ZMAT4: variants seen among roughly 807,000 people sequenced by gnomAD.
The protein encoded by ZMAT4 is zinc finger matrin-type protein 4.
A neutral mutation model predicts 28.7 loss-of-function variants in ZMAT4; 17 were observed. The ratio of observed to expected loss-of-function variants is 0.59; its 90% confidence interval spans 0.41 to 0.89. The LOEUF (loss-of-function observed/expected upper bound fraction) is 0.89. Among genes scored for constraint, ZMAT4 ranks in the 40% least tolerant of loss-of-function variants. The probability of loss-of-function intolerance (pLI) is 0.00; values close to 1 mark genes in which losing one functional copy is unlikely to be tolerated. For synonymous variants in ZMAT4, 117 were observed against 109.2 expected, an observed-to-expected ratio of 1.07 and a Z score of -0.44; for missense variants, 240 against 283.8, an observed-to-expected ratio of 0.85 and a Z score of 1.11.
At chr8:40,639,494 C>A (rs76605631) in intron 5 of ZMAT4, among the ~76,000 whole-genome samples, 1 of 152,092 alleles carries the variant, frequency 6.6e-6, no homozygotes, top group South Asian at 2.1e-4. Context: ...CCTAACAATT[C>A]TTCATAAAGT....
chr8:40,834,746 T>A (rs564157241), intron 1 of ZMAT4, among the ~76,000 whole-genome samples: 5 of 152,194 alleles, frequency 3.3e-5, no homozygotes, highest in Non-Finnish European at 7.3e-5. Flanking sequence ...CCACGTGTCA[T>A]CCTTCTGGAA....
chr8:40,677,667 T>C (rs1383246679), intron 4 of ZMAT4, among the ~76,000 whole-genome samples: 1 of 152,158 alleles, frequency 6.6e-6, no homozygotes, highest in Admixed American at 6.6e-5. Flanking sequence ...TAATGATAAA[T>C]CTGTGTGTGT....
chr8:40,789,955 C>T (rs1404453623), intron 2 of ZMAT4, among the ~76,000 whole-genome samples: 1 of 152,174 alleles, frequency 6.6e-6, no homozygotes, highest in Non-Finnish European at 1.5e-5. Context: ...AGCCAAATAT[C>T]CACCCCAAAC....
At chr8:40,586,098 C>T (rs1804664123) in intron 5 of ZMAT4, among the ~76,000 whole-genome samples, 1 of 152,138 alleles carries the variant, frequency 6.6e-6, no homozygotes, top group Non-Finnish European at 1.5e-5. Context: ...AAAGGCAGTG[C>T]ATATAAACAA....
chr8:40,653,948 T>C (rs968893721), intron 5 of ZMAT4, among the ~76,000 whole-genome samples: 2 of 152,192 alleles, frequency 1.3e-5, no homozygotes, highest in African/African-American at 4.8e-5. Flanking sequence ...AGATGGCCCC[T>C]GTATGTTGGC....
intron 3 of ZMAT4, among the ~76,000 whole-genome samples, chr8:40,740,550 C>A (rs1034743238): frequency 6.6e-6 from 1 of 152,174 alleles, no homozygotes; most frequent in Non-Finnish European, 1.5e-5. Flanking sequence ...ATATCTTCAA[C>A]AACAGTAATG....
In ZMAT4 at chr8:40,565,982, C is replaced by T. The variant is rs186232144; in HGVS notation, c.674+15183G>A. Among the ~76,000 whole-genome samples, 297 of 152,160 alleles carry T rather than the reference C, an allele frequency of 2.0e-3. 3 individuals carry two copies. The highest frequency in any genetic ancestry group is 6.7e-3 in the African/African-American group (279 of 41,538). ...TTGGGTGACTTTTCTGGAATCATAG[C>T]GCTTTAGGGTTTAGGCGTTTTAAAA... On this transcript the variant is annotated intron_variant, in intron 6 of 6. Coordinates refer to ENST00000297737, the MANE Select transcript of ZMAT4 (RefSeq NM_024645.3).
intron 5 of ZMAT4, among the ~76,000 whole-genome samples, chr8:40,650,987 A>C (rs1332207604): frequency 6.7e-6 from 1 of 149,998 alleles, no homozygotes; most frequent in South Asian, 2.1e-4. Context: ...ATGGGCAAAA[A>C]CTGGAAGCAT....
Position 40,801,348 on chromosome 8 carries a change from A to AT in ZMAT4, c.102+24226_102+24227insA, listed in dbSNP as rs1305923632. Among the ~76,000 whole-genome samples, 422 of 76,240 alleles carry AT rather than the reference A, an allele frequency of 5.5e-3. 1 individual carries two copies. Among genetic ancestry groups the AT allele is most frequent in the Non-Finnish European group, 4.9e-3 (193 of 39,560 alleles). 50.0% of individuals were successfully genotyped at this position (76,240 alleles called of 152,430 possible). Reference sequence around the variant, plus strand: ...TTCAGATGATACTTTCTTTAAAAAAAAAAATATATATATATATATATATAC... The same window carrying AT: ...TTCAGATGATACTTTCTTTAAAAAAATAAAATATATATATATATATATATAC... On this transcript the variant is annotated intron_variant, in intron 2 of 6. Coordinates refer to ENST00000297737, the MANE Select transcript of ZMAT4 (RefSeq NM_024645.3).
intron 5 of ZMAT4, among the ~76,000 whole-genome samples, chr8:40,666,175 G>C (rs539338585): frequency 6.6e-6 from 1 of 152,226 alleles, no homozygotes; most frequent in African/African-American, 2.4e-5. Context: ...CTGGCAAGAA[G>C]AATTTAATCT....
At chr8:40,710,233 A>G (rs1402798582) in intron 3 of ZMAT4, among the ~76,000 whole-genome samples, 1 of 152,146 alleles carries the variant, frequency 6.6e-6, no homozygotes, top group East Asian at 1.9e-4. Flanking sequence ...CAATAAAGAG[A>G]TTTAATTTCT....
At chr8:40,618,750 G>A (rs1307302446) in intron 5 of ZMAT4, among the ~76,000 whole-genome samples, 2 of 151,458 alleles carry the variant, frequency 1.3e-5, no homozygotes, top group African/African-American at 2.4e-5. Flanking sequence ...GCTCCCTCAC[G>A]ACAGCACTGC....
intron 3 of ZMAT4, among the ~76,000 whole-genome samples, chr8:40,702,740 C>T (rs1810199524): frequency 6.6e-6 from 1 of 152,190 alleles, no homozygotes; most frequent in African/African-American, 2.4e-5. Flanking sequence ...GGAGAAAACA[C>T]ACGAGTTAGC....
intron 1 of ZMAT4, among the ~76,000 whole-genome samples, chr8:40,840,797 T>A (rs908186023): frequency 1.3e-5 from 2 of 152,348 alleles, no homozygotes; most frequent in South Asian, 2.1e-4. Flanking sequence ...GTTCCCATTC[T>A]TTTGATCTCA....
intron 3 of ZMAT4, among the ~76,000 whole-genome samples, chr8:40,724,953 T>C (rs1811260363): frequency 6.6e-6 from 1 of 152,188 alleles, no homozygotes; most frequent in Admixed American, 6.6e-5. Flanking sequence ...AACTGAAGGA[T>C]TGGAACTCAG....
chr8:40,689,943 G>A (rs986690800), intron 4 of ZMAT4, among the ~76,000 whole-genome samples: 6 of 151,946 alleles, frequency 3.9e-5, no homozygotes, highest in Admixed American at 2.0e-4. Flanking sequence ...TCGAGTTTAC[G>A]GTATTGAAAA....
intron 3 of ZMAT4, among the ~76,000 whole-genome samples, chr8:40,758,329 C>T (rs907276792): frequency 6.6e-6 from 1 of 152,166 alleles, no homozygotes; most frequent in African/African-American, 2.4e-5. Flanking sequence ...CACCACTCCA[C>T]ATCAGTCGTA....
chr8:40,858,367 A>G (rs1817371278), intron 1 of ZMAT4, among the ~76,000 whole-genome samples: 1 of 152,144 alleles, frequency 6.6e-6, no homozygotes. Context: ...AGCTCCCTGA[A>G]GTCCCCTTAG....
intron 5 of ZMAT4, among the ~76,000 whole-genome samples, chr8:40,653,017 G>A (rs1279598905): frequency 6.6e-6 from 1 of 151,706 alleles, no homozygotes; most frequent in African/African-American, 2.4e-5. Context: ...GCACCAGCAT[G>A]GCACATGTAT....
Sources: gnomAD v4.1 joint callset for allele counts (sites outside exome capture counted in the v4.1 genomes callset) on GRCh38, gnomAD v4.1.1 for gene constraint, MANE v1.5 for transcripts, NCBI Gene and HGNC (gene_info 2026-07-23, HGNC 2026-07-21) for gene names.